P2RX5: variants seen among roughly 807,000 people sequenced by gnomAD.
The protein encoded by P2RX5 is purinergic receptor P2X 5.
P2RX5 carries 46 observed loss-of-function variants against 54.1 expected under a neutral mutation model. That is an observed-to-expected ratio of 0.85 (90% CI 0.67 to 1.09). The LOEUF (loss-of-function observed/expected upper bound fraction) is 1.09, where lower values mean the gene tolerates loss of function less well. Ranked by LOEUF, P2RX5 falls within the 50% of genes least tolerant of loss-of-function variation. The pLI, the probability that P2RX5 is intolerant of heterozygous loss-of-function variation, is 0.00. For synonymous variants in P2RX5, 226 were observed against 226.4 expected (o/e 1.00, Z 0.02); for missense variants, 566 against 549.8 (o/e 1.03, Z -0.29).
rs899345285 is a variant in P2RX5 at position 3,679,906 on chromosome 17, G to A, written c.1065-122C>T. On this transcript the variant is annotated intron_variant, in intron 10 of 11. Coordinates refer to ENST00000225328, the MANE Select transcript of P2RX5 (RefSeq NM_002561.4). The stretch of plus-strand genomic sequence containing the variant: ...GGCCGCCACCCTGCTTCCTCCAGCC[G>A]GTGTCCTCCACCCTGCTTCCTCCAT... The A allele has an allele frequency of 5.9e-5, 49 of 828,164 alleles. No homozygotes were observed. In the Middle Eastern group the frequency reaches 8.5e-4, roughly 14 times the overall value. 51.3% of individuals were successfully genotyped at this position (828,164 alleles called of 1,614,324 possible).
the P2RX5 span, chr17:3,716,809 C>A: frequency 7.0e-7 from 1 of 1,420,728 alleles, no homozygotes; most frequent in Non-Finnish European, 9.9e-7. Context: ...CTAGACAAGA[C>A]AAAGAGATCG....
At chr17:3,719,571 A>G in the P2RX5 span, among the ~76,000 whole-genome samples, 30 of 152,212 alleles carry the variant, frequency 2.0e-4, no homozygotes, top group African/African-American at 7.2e-4. Context: ...TACTTTTGCA[A>G]AAAGAATTCC....
upstream of P2RX5, among the ~76,000 whole-genome samples, chr17:3,697,425 C>T (rs886235253): frequency 3.3e-5 from 5 of 152,108 alleles, no homozygotes; most frequent in Non-Finnish European, 4.4e-5. Context: ...GAGCTGCGCA[C>T]GCTTATTTTC....
Position 3,673,242 on chromosome 17 carries a change from A to G in P2RX5, c.*626T>C, listed in dbSNP as rs1169838852. ...TCAGGACACGTTTGAAATTGACACC[A>G]TTTATTGTTTTATGACCAAATAAGA... is the stretch of plus-strand genomic sequence containing the variant. On this transcript the variant is annotated 3_prime_UTR_variant, in exon 12 of 12. Transcript: ENST00000225328. 2.0e-6 allele frequency: 2 copies of G among 987,828 alleles called. No homozygotes were observed. Among genetic ancestry groups the G allele is most frequent in the Non-Finnish European group, 2.4e-6 (2 of 831,368 alleles). The allele number at this position is 987,828 out of a possible 1,614,324, so 61.2% of individuals were successfully genotyped here. A position where few individuals can be genotyped will look rare whatever the true frequency, so the allele number is the denominator to read the frequency against.
In P2RX5 at chr17:3,691,658, C is replaced by T. The variant is rs776345541; in HGVS notation, c.274G>A (p.Val92Ile). 18 of 1,614,078 alleles carry T rather than the reference C, an allele frequency of 1.1e-5. 1 individual carries two copies. The highest frequency in any genetic ancestry group is 1.0e-4 in the Admixed American group (6 of 60,012). Reference protein sequence around the residue: ...GQRIWDVADYVIPAQGENVFF... With the variant: ...GQRIWDVADYIIPAQGENVFF... ...GGGACTCAGACCTGGGCTGGAATGA[C>T]GTAGTCGGCGACATCCCAGATCCGC... is the stretch of plus-strand genomic sequence containing the variant. The change falls in exon 2 of 12, where the codon GTC (valine) becomes ATC (isoleucine). Residue 92 changes from valine (V) to isoleucine (I), a missense_variant. Physicochemically the swap from Val to Ile is conservative, Grantham distance 29. Coordinates refer to ENST00000225328, the MANE Select transcript of P2RX5 (RefSeq NM_002561.4).
intron 1 of P2RX5, among the ~76,000 whole-genome samples, chr17:3,694,248 C>G (rs1262406270): frequency 7.0e-6 from 1 of 143,260 alleles, no homozygotes; most frequent in Non-Finnish European, 1.5e-5. Flanking sequence ...AAAAAAAAGG[C>G]CGCATACTAT....
intron 2 of P2RX5, 141 bp downstream of exon 2, chr17:3,691,503 C>G: frequency 9.7e-7 from 1 of 1,035,256 alleles, no homozygotes; most frequent in South Asian, 1.4e-5. Context: ...CAGGGTTGCT[C>G]TCTGCAAGCC....
At chr17:3,706,608 C>T in the P2RX5 span, among the ~76,000 whole-genome samples, 6 of 151,966 alleles carry the variant, frequency 3.9e-5, no homozygotes, top group African/African-American at 9.7e-5. Flanking sequence ...CCGAAAAATG[C>T]GGAGGCCCAG....
chr17:3,714,929 T>A, the P2RX5 span: 2 of 1,602,576 alleles, frequency 1.2e-6, no homozygotes, highest in African/African-American at 1.3e-5. Context: ...ATATTTTCTT[T>A]TAAAAAAGCC....
chr17:3,716,102 G>A, the P2RX5 span, among the ~76,000 whole-genome samples: 1 of 151,714 alleles, frequency 6.6e-6, no homozygotes, highest in East Asian at 1.9e-4. Flanking sequence ...TGGGGGGAAG[G>A]GAAGGTTGCA....
At chr17:3,683,759 A>T (rs888034289) in intron 9 of P2RX5, among the ~76,000 whole-genome samples, 19 of 150,710 alleles carry the variant, frequency 1.3e-4, no homozygotes, top group Non-Finnish European at 2.7e-4. Flanking sequence ...GAAAAGTGAT[A>T]GCTGAAGGTG....
At chr17:3,705,121 G>A in the P2RX5 span, among the ~76,000 whole-genome samples, 2 of 152,160 alleles carry the variant, frequency 1.3e-5, no homozygotes, top group Admixed American at 6.5e-5. Context: ...TCCAGTTCCC[G>A]GCGCTGGCTT....
rs746793338 is a variant in P2RX5 at position 3,690,116 on chromosome 17, T to G, written c.568A>C (p.Ile190Leu). The G allele has an allele frequency of 1.2e-6, 2 of 1,614,152 alleles. No homozygotes were observed. Among genetic ancestry groups the G allele is most frequent in the Non-Finnish European group, 1.7e-6 (2 of 1,180,012 alleles). The change falls in exon 6 of 12, where the codon ATT (isoleucine) becomes CTT (leucine). Residue 190 changes from isoleucine to leucine, a missense_variant. Physicochemically the swap from Ile to Leu is conservative, Grantham distance 5. Transcript: ENST00000225328. ...AAACGGATGTGGTTCTTTATGAAAA[T>G]GGTGAAGTCTTCGGCCTCCTTCAGG... ...PFLKEAEDFT[I>L]FIKNHIRFPK...
At chr17:3,682,227 C>T (rs940486795) in intron 9 of P2RX5, 2 of 534,586 alleles carry the variant, frequency 3.7e-6, no homozygotes, top group Middle Eastern at 5.1e-4. Context: ...CCCCGCACCA[C>T]CCGGACCCCA....
upstream of P2RX5, among the ~76,000 whole-genome samples, chr17:3,698,876 G>A (rs780241114): frequency 7.9e-5 from 12 of 151,996 alleles, no homozygotes; most frequent in Admixed American, 2.0e-4. Flanking sequence ...ACCCACTGGT[G>A]AGGCATGACA....
the P2RX5 span, among the ~76,000 whole-genome samples, chr17:3,702,384 C>T: frequency 9.9e-4 from 151 of 152,250 alleles, 1 homozygote; most frequent in African/African-American, 3.1e-3. Flanking sequence ...GACCAATCAG[C>T]GCTCTATAAA....
the P2RX5 span, among the ~76,000 whole-genome samples, chr17:3,707,495 G>A: frequency 4.6e-5 from 7 of 152,158 alleles, no homozygotes; most frequent in Non-Finnish European, 7.3e-5. Flanking sequence ...AAGGTTTGCA[G>A]CACCAAAGTG....
rs556456151 is a variant in P2RX5, at chr17:3,688,017, C to A, written c.976G>T (p.Gly326Cys). ...YGIRFDVMVN[G>C]KGAFFCDLVL... is the part of the protein sequence containing the mutation. ...ACAGGAGAAGGCACACGCACCTTGCCGTTCACCATCACGTCAAAGCGGATC... is the reference window on the plus strand; with the variant it reads ...ACAGGAGAAGGCACACGCACCTTGCAGTTCACCATCACGTCAAAGCGGATC... The change falls in exon 9 of 12, where the codon GGC becomes TGC. Residue 326 changes from glycine (G) to cysteine (C), a missense_variant. Coordinates refer to ENST00000225328, the MANE Select transcript of P2RX5 (RefSeq NM_002561.4). 7 of 1,567,906 alleles carry A rather than the reference C, an allele frequency of 4.5e-6. No individual in the cohort carries two copies. The Admixed American group carries it at 8.7e-5, about 20-fold the overall frequency.
intron 9 of P2RX5, 72 bp from the exon 10 acceptor site, chr17:3,682,050 C>T: frequency 9.7e-7 from 1 of 1,034,162 alleles, no homozygotes; most frequent in Non-Finnish European, 1.5e-6. Context: ...CACTTTGCCC[C>T]TTCCATCCTG....
Sources: allele counts gnomAD v4.1 joint callset (sites outside exome capture counted in the v4.1 genomes callset), GRCh38; gene constraint gnomAD v4.1.1; transcripts MANE v1.5; gene names NCBI Gene and HGNC (gene_info 2026-07-23, HGNC 2026-07-21).